DOCK2: variants seen among roughly 807,000 people sequenced by gnomAD.
DOCK2 encodes dedicator of cytokinesis 2.
Under a neutral mutation model 248.9 loss-of-function variants are expected in DOCK2, and 87 were observed. The ratio of observed to expected loss-of-function variants is 0.35; its 90% CI spans 0.29 to 0.42. The LOEUF is 0.42. Among genes scored for constraint, DOCK2 ranks in the 10% least tolerant of loss-of-function variants. DOCK2 has a pLI of 1.00. For missense variants in DOCK2, 1,747 were observed against 2,300.2 expected (o/e 0.76, Z 4.92); for synonymous variants, 805 against 821.6 (o/e 0.98, Z 0.35).
At chr5:169,784,727 A>T (rs1446137246) in intron 25 of DOCK2, among the ~76,000 whole-genome samples, 1 of 152,172 alleles carries the variant, frequency 6.6e-6, no homozygotes, top group Non-Finnish European at 1.5e-5. Context: ...ATAAGTGTTT[A>T]TTTTTATTGT....
chr5:170,067,728 C>T lies in DOCK2; in HGVS notation c.4644+42C>T, dbSNP rs375552658. On this transcript the variant is annotated intron_variant, in intron 45 of 51. Transcript: ENST00000520908. ...TCCAAGTCTAGGGGAGCTCGGTGAG[C>T]AGAGCAGTGGTGGGAGGACCCAGGG... is the stretch of plus-strand genomic sequence containing the variant. The T allele has an allele frequency of 1.3e-3, 2,015 of 1,606,466 alleles. 1 individual carries two copies. Among genetic ancestry groups the T allele is most frequent in the South Asian group, 2.5e-3 (223 of 90,038 alleles).
At chr5:169,704,771 G>A (rs1254494058) in intron 14 of DOCK2, among the ~76,000 whole-genome samples, 108 of 39,846 alleles carry the variant, frequency 2.7e-3, no homozygotes, top group Non-Finnish European at 5.4e-3. Context: ...GTGTGTGTGT[G>A]TGTGTGTGTG....
chr5:169,791,020 A>G (rs1343110196), intron 25 of DOCK2, among the ~76,000 whole-genome samples: 1 of 152,182 alleles, frequency 6.6e-6, no homozygotes, highest in African/African-American at 2.4e-5. Flanking sequence ...GCTACCACCT[A>G]GTTTCCTCAA....
At chr5:170,054,637 A>C (rs947238042) in intron 41 of DOCK2, among the ~76,000 whole-genome samples, 1 of 152,244 alleles carries the variant, frequency 6.6e-6, no homozygotes, top group Non-Finnish European at 1.5e-5. Flanking sequence ...TGCATATTCT[A>C]TAGCAGTGCT....
chr5:169,762,036 G>A (rs749580612), intron 25 of DOCK2, among the ~76,000 whole-genome samples: 1 of 152,172 alleles, frequency 6.6e-6, no homozygotes, highest in Non-Finnish European at 1.5e-5. Flanking sequence ...GACCTAGCTC[G>A]AAGAGTCTAA....
chr5:169,827,816 A>G (rs1423438555), intron 26 of DOCK2, among the ~76,000 whole-genome samples: 2 of 152,180 alleles, frequency 1.3e-5, no homozygotes, highest in Non-Finnish European at 2.9e-5. Flanking sequence ...TAGAAATGTG[A>G]TAGAACTTTA....
chr5:169,731,363 T>C (rs1762758863), intron 22 of DOCK2, among the ~76,000 whole-genome samples: 1 of 152,076 alleles, frequency 6.6e-6, no homozygotes, highest in African/African-American at 2.4e-5. Flanking sequence ...ATGAGTCTCA[T>C]GAGATCTGAT....
chr5:169,905,806 G>C (rs1434824680), intron 27 of DOCK2, among the ~76,000 whole-genome samples: 1 of 152,164 alleles, frequency 6.6e-6, no homozygotes, highest in African/African-American at 2.4e-5. Context: ...TTTTGGACTT[G>C]AACAAAGTGA....
intron 27 of DOCK2, chr5:169,875,430 T>A (rs183717176): frequency 1.3e-5 from 5 of 392,600 alleles, no homozygotes; most frequent in Non-Finnish European, 2.5e-5. Context: ...TGGAACTCAG[T>A]GACAATCGAA....
At chr5:170,081,789 C>G in intron 50 of DOCK2, 53 bp from the exon 51 acceptor site, 4 of 1,468,644 alleles carry the variant, frequency 2.7e-6, no homozygotes, top group Non-Finnish European at 3.6e-6. Context: ...TCCCCCAAGG[C>G]ACTGCCCCTC....
At chr5:169,920,780 G>T (rs112259697) in intron 27 of DOCK2, among the ~76,000 whole-genome samples, 9 of 152,304 alleles carry the variant, frequency 5.9e-5, no homozygotes, top group African/African-American at 2.2e-4. Flanking sequence ...TTACAGGAAA[G>T]CCTAAGAGCT....
Position 170,055,363 on chromosome 5 carries a change from G to A in DOCK2, c.4272G>A (p.Lys1424=), listed in dbSNP as rs1318120588. ...VLDEHPRFKN[K]PVPDQIINFY... Reference sequence around the variant, plus strand: ...ATGAACATCCCAGGTTCAAGAATAAGCCAGTGCCTGACCAGATTATAAAGT... The same window carrying A: ...ATGAACATCCCAGGTTCAAGAATAAACCAGTGCCTGACCAGATTATAAAGT... Residue 1424 remains lysine (K), a synonymous_variant, in exon 42 of 52, where the codon AAG becomes AAA. Coordinates refer to ENST00000520908, the MANE Select transcript of DOCK2 (RefSeq NM_004946.3). 2 of 1,613,944 alleles carry A rather than the reference G, an allele frequency of 1.2e-6. No homozygotes were observed. Among genetic ancestry groups the A allele is most frequent in the Non-Finnish European group, 1.7e-6 (2 of 1,179,922 alleles).
chr5:170,079,462 G>T (rs1757950140), intron 49 of DOCK2: 1 of 313,106 alleles, frequency 3.2e-6, no homozygotes, highest in East Asian at 7.0e-5. Flanking sequence ...CACCAAAAGG[G>T]AGAGCAGCCC....
At chr5:169,643,532 T>C (rs1369248655) in intron 1 of DOCK2, among the ~76,000 whole-genome samples, 1 of 152,176 alleles carries the variant, frequency 6.6e-6, no homozygotes, top group African/African-American at 2.4e-5. Flanking sequence ...CAGGTCACAA[T>C]AGGGTTCCTG....
chr5:169,697,184 C>A (rs550102186), intron 10 of DOCK2, among the ~76,000 whole-genome samples: 1 of 152,128 alleles, frequency 6.6e-6, no homozygotes, highest in Non-Finnish European at 1.5e-5. Context: ...ATGAATAGAT[C>A]GCTTCAGGCA....
At chr5:170,015,756 T>G (rs1350998226) in intron 32 of DOCK2, among the ~76,000 whole-genome samples, 1 of 151,928 alleles carries the variant, frequency 6.6e-6, no homozygotes, top group African/African-American at 2.4e-5. Flanking sequence ...TTGCCCAACT[T>G]AATTCTCAGC....
In DOCK2 at chr5:169,965,295, G is replaced by A. The variant is rs373411967; in HGVS notation, c.2800-17773G>A. The stretch of plus-strand genomic sequence containing the variant: ...CTTCAGCTGCGGGCTGGGGCTTGCA[G>A]TTCTTCATTTCTAAGAAGCTCCCAG... On this transcript the variant is annotated intron_variant, in intron 27 of 51. Coordinates refer to ENST00000520908, the MANE Select transcript of DOCK2 (RefSeq NM_004946.3). Among the ~76,000 whole-genome samples the A allele has an allele frequency of 2.8e-4, 43 of 152,340 alleles. 1 individual carries two copies. In the South Asian group the frequency reaches 8.3e-3, roughly 29 times the overall value.
At chr5:169,803,301 T>C in intron 26 of DOCK2, 95 bp downstream of exon 26, 1 of 1,489,510 alleles carries the variant, frequency 6.7e-7, no homozygotes. Flanking sequence ...GCAGCTGGAG[T>C]CTAAAGATAA....
In DOCK2 at chr5:169,763,573, C is replaced by T. The variant is rs1764602284; in HGVS notation, c.2554+1948C>T. Among the ~76,000 whole-genome samples, 1 of 152,178 alleles carries T rather than the reference C, an allele frequency of 6.6e-6. No individual in the cohort carries two copies. The highest frequency in any genetic ancestry group is 1.5e-5 in the Non-Finnish European group (1 of 68,038). On this transcript the variant is annotated intron_variant, in intron 25 of 51. Coordinates refer to ENST00000520908, the MANE Select transcript of DOCK2 (RefSeq NM_004946.3). This position sits in a 1 kb window ranked among gnomAD's most constrained non-coding sequence, Gnocchi z 4.1. ...GTCGGAGTAATTCCTTGACTGCAGC[C>T]ACATCTCCAGGGCTGGGAGGAGGCC...
Sources: gnomAD v4.1 joint callset for allele counts (sites outside exome capture counted in the v4.1 genomes callset) on GRCh38, gnomAD v4.1.1 for gene constraint, Gnocchi (gnomAD v3.1) non-coding constraint, MANE v1.5 for transcripts, NCBI Gene and HGNC (gene_info 2026-07-23, HGNC 2026-07-21) for gene names.